Variants in FER observed in about 807,000 individuals in gnomAD.
The protein encoded by FER is tyrosine-protein kinase Fer.
A neutral mutation model predicts 111.0 loss-of-function variants in FER; 63 were observed. The ratio of observed to expected loss-of-function variants is 0.57; its 90% CI spans 0.46 to 0.70. The LOEUF (loss-of-function observed/expected upper bound fraction) is 0.70. Among genes scored for constraint, FER ranks in the 30% least tolerant of loss-of-function variants. The pLI, the probability that FER is intolerant of heterozygous loss-of-function variation, is 0.00. For missense variants in FER, 914 were observed against 954.0 expected (o/e 0.96, Z 0.55); for synonymous variants, 327 against 313.9 (o/e 1.04, Z -0.44).
intron 8 of FER, among the ~76,000 whole-genome samples, chr5:108,879,725 T>TATATATATATATATATATATATATAG (rs1298716348): frequency 7.1e-6 from 1 of 141,508 alleles, no homozygotes; most frequent in Admixed American, 7.1e-5. Context: ...TATATATATA[T>TATATATATATATATATATATATATAG]TTGAGGCAAA....
chr5:109,056,027 A>G (rs1313206549), intron 16 of FER, among the ~76,000 whole-genome samples: 1 of 152,222 alleles, frequency 6.6e-6, no homozygotes, highest in African/African-American at 2.4e-5. Context: ...CCACTGTGAG[A>G]TAGCACCTTA....
intron 17 of FER, among the ~76,000 whole-genome samples, chr5:109,107,337 CTT>C (rs1749060133): frequency 6.6e-6 from 1 of 152,124 alleles, no homozygotes; most frequent in Middle Eastern, 3.4e-3. Context: ...TTTCTTTTAA[CTT>C]TTATTTTAGG....
intron 17 of FER, among the ~76,000 whole-genome samples, chr5:109,150,586 C>A (rs1275435320): frequency 4.6e-5 from 7 of 152,172 alleles, no homozygotes; most frequent in African/African-American, 1.7e-4. Context: ...TCAGCAAACA[C>A]AGCCATAGAA....
chr5:109,184,413 T>TGTAA (rs752059785), intron 18 of FER, among the ~76,000 whole-genome samples: 36 of 152,280 alleles, frequency 2.4e-4, no homozygotes, highest in South Asian at 2.3e-3. Context: ...GCTATACAAT[T>TGTAA]GTAAGTTACT....
At chr5:109,085,823 C>T (rs1199661390) in intron 16 of FER, among the ~76,000 whole-genome samples, 7 of 151,652 alleles carry the variant, frequency 4.6e-5, no homozygotes, top group African/African-American at 1.7e-4. Flanking sequence ...CATGATTTTT[C>T]TCCTTTTCCC....
intron 10 of FER, among the ~76,000 whole-genome samples, chr5:108,937,107 A>G (rs955398764): frequency 1.3e-5 from 2 of 152,006 alleles, no homozygotes; most frequent in Admixed American, 1.3e-4. Flanking sequence ...TACTATTTAA[A>G]TGATGTCTAA....
At chr5:109,128,433 C>T (rs539138116) in intron 17 of FER, among the ~76,000 whole-genome samples, 252 of 152,210 alleles carry the variant, frequency 1.7e-3, no homozygotes, top group African/African-American at 5.8e-3. Flanking sequence ...CTTTTACTAT[C>T]AATATGTGAT....
At chr5:109,030,769 C>T (rs1486894318) in intron 13 of FER, among the ~76,000 whole-genome samples, 1 of 152,154 alleles carries the variant, frequency 6.6e-6, no homozygotes, top group Non-Finnish European at 1.5e-5. Flanking sequence ...TCCCGTTAGG[C>T]ACACTGCCCT....
chr5:108,856,158 G>A (rs756535473), intron 5 of FER, among the ~76,000 whole-genome samples: 11 of 152,062 alleles, frequency 7.2e-5, no homozygotes, highest in Non-Finnish European at 1.0e-4. Flanking sequence ...AATAGCTTAG[G>A]AGAGATGGAG....
intron 16 of FER, chr5:109,051,703 G>C (rs924554458): frequency 6.4e-7 from 1 of 1,567,622 alleles, no homozygotes; most frequent in African/African-American, 1.4e-5. Context: ...GGGGCTCAGC[G>C]GGCCAGTGGT....
At chr5:109,075,473 G>A (rs949043208) in intron 16 of FER, among the ~76,000 whole-genome samples, 1 of 144,348 alleles carries the variant, frequency 6.9e-6, no homozygotes, top group Non-Finnish European at 1.5e-5. Context: ...TCTGTCACCC[G>A]GGCTGGAGGG....
At chr5:109,068,904 A>G in intron 16 of FER, among the ~76,000 whole-genome samples, 1 of 152,204 alleles carries the variant, frequency 6.6e-6, no homozygotes, top group East Asian at 1.9e-4. Flanking sequence ...ATGCCTAAAT[A>G]TTTCAGAATA....
intron 1 of FER, among the ~76,000 whole-genome samples, chr5:108,763,130 A>T (rs1397992270): frequency 1.3e-5 from 2 of 152,190 alleles, no homozygotes; most frequent in African/African-American, 4.8e-5. Flanking sequence ...GCTTTCAGCA[A>T]ATATTTGTTG....
intron 3 of FER, among the ~76,000 whole-genome samples, chr5:108,815,420 C>G (rs1033050701): frequency 6.6e-6 from 1 of 151,908 alleles, no homozygotes; most frequent in African/African-American, 2.4e-5. Flanking sequence ...AGAGTTTGTT[C>G]TCAGACTTTT....
chr5:108,803,952 TC>T (rs1756938529), intron 3 of FER, among the ~76,000 whole-genome samples: 2 of 152,172 alleles, frequency 1.3e-5, no homozygotes, highest in African/African-American at 4.8e-5. Flanking sequence ...ATTGATTCTT[TC>T]AGACCGTCCG....
chr5:108,795,026 C>G (rs983912629), intron 2 of FER, among the ~76,000 whole-genome samples: 4 of 152,164 alleles, frequency 2.6e-5, no homozygotes, highest in Non-Finnish European at 5.9e-5. Context: ...CTCTTAGATT[C>G]CCTTTTTTGG....
intron 5 of FER, among the ~76,000 whole-genome samples, chr5:108,844,996 GTATATATATATATATATA>G (rs1178206742): frequency 0.061 from 1,774 of 29,226 alleles, 58 homozygotes; most frequent in Non-Finnish European, 0.095. Context: ...GTGTGTGTGT[GTATATATATATATATATA>G]TATATATATA....
At chr5:109,028,480 A>G (rs1354737522) in intron 13 of FER, among the ~76,000 whole-genome samples, 3 of 152,198 alleles carry the variant, frequency 2.0e-5, no homozygotes, top group Non-Finnish European at 4.4e-5. Flanking sequence ...CTTTAAATAA[A>G]TTACTCTATT....
At chr5:108,754,291 C>T (rs547022424) in intron 1 of FER, among the ~76,000 whole-genome samples, 1 of 151,310 alleles carries the variant, frequency 6.6e-6, no homozygotes, top group East Asian at 1.9e-4. Context: ...TGTGCTTGTA[C>T]TACTACTAAG....
Sources: allele counts gnomAD v4.1 joint callset (sites outside exome capture counted in the v4.1 genomes callset), GRCh38; gene constraint gnomAD v4.1.1; transcripts MANE v1.5; gene names NCBI Gene and HGNC (gene_info 2026-07-23, HGNC 2026-07-21).